Variants in PKNOX1 observed in about 807,000 individuals in gnomAD.
PKNOX1 encodes homeobox protein PKNOX1.
Under a neutral mutation model 51.9 loss-of-function variants are expected in PKNOX1, and 15 were observed. That is an observed-to-expected ratio of 0.29 (90% CI 0.19 to 0.45). The LOEUF (loss-of-function observed/expected upper bound fraction) is 0.45, where lower values mean the gene tolerates loss of function less well. Ranked by LOEUF, PKNOX1 falls within the 20% of genes least tolerant of loss-of-function variation. PKNOX1 has a pLI of 1.00. For missense variants in PKNOX1, 462 were observed against 547.5 expected (o/e 0.84, Z 1.56); for synonymous variants, 219 against 211.1 (o/e 1.04, Z -0.32).
Position 43,031,301 on chromosome 21 carries a change from C to T in PKNOX1, c.*1200C>T, listed in dbSNP as rs234735. On this transcript the variant is annotated 3_prime_UTR_variant, in exon 11 of 11. Coordinates refer to ENST00000291547, the MANE Select transcript of PKNOX1 (RefSeq NM_004571.5). ...ACATCCCTGGAGTCCCAGCAGCGAG[C>T]TGGTCTGGCGAGGGCACCTCGGCAG... 0.24 allele frequency: 36,896 copies of T among 152,598 alleles called. 4,847 individuals carry two copies. The highest frequency in any genetic ancestry group is 0.29 in the Non-Finnish European group (19,911 of 67,992). The allele number at this position is 152,598 out of a possible 1,614,324, so 9.5% of individuals were successfully genotyped here.
At chr21:43,027,902 C>T (rs548271858) in intron 9 of PKNOX1, among the ~76,000 whole-genome samples, 5 of 151,326 alleles carry the variant, frequency 3.3e-5, no homozygotes, top group African/African-American at 7.3e-5. Flanking sequence ...TGCGACAGGG[C>T]GAGACTCCAT....
intron 1 of PKNOX1, among the ~76,000 whole-genome samples, chr21:42,989,430 T>A (rs896904439): frequency 2.6e-5 from 4 of 152,186 alleles, no homozygotes; most frequent in Admixed American, 6.6e-5. Context: ...ATTTTTTATT[T>A]TTTTTGAGTC....
Position 43,007,473 on chromosome 21 carries a change from A to G in PKNOX1, c.52-18A>G, listed in dbSNP as rs945551904. ...TAGTTTGTGTTTGCTAATAAGAATT[A>G]TCTTCCTCCTTTTACAGATGCAAGT... On this transcript the variant is annotated intron_variant, in intron 2 of 10. Coordinates refer to ENST00000291547, the MANE Select transcript of PKNOX1 (RefSeq NM_004571.5). 3 of 1,612,678 alleles carry G rather than the reference A, an allele frequency of 1.9e-6. No individual in the cohort carries two copies. The African/African-American group carries it at 4.0e-5, about 22-fold the overall frequency.
At chr21:43,016,320 G>A (rs146106342) in intron 5 of PKNOX1, among the ~76,000 whole-genome samples, 7 of 152,304 alleles carry the variant, frequency 4.6e-5, no homozygotes, top group South Asian at 4.1e-4. Flanking sequence ...CATGGGGCTC[G>A]CTGTAGGCCG....
At position 43,030,298 on chromosome 21, in the gene PKNOX1, T is replaced by C; in HGVS notation, c.*197T>C. On this transcript the variant is annotated 3_prime_UTR_variant, in exon 11 of 11. Transcript: ENST00000291547. ...GTGTGTGTGTGTGTGTGTGTGCGTGTGTGCGTGTGTGTGGATTTTTAAAGA... is the reference window on the plus strand; with the variant it reads ...GTGTGTGTGTGTGTGTGTGTGCGTGCGTGCGTGTGTGTGGATTTTTAAAGA... 4.9e-6 allele frequency: 2 copies of C among 407,412 alleles called. No homozygotes were observed. The highest frequency in any genetic ancestry group is 4.4e-6 in the Non-Finnish European group (1 of 228,396). 25.2% of individuals were successfully genotyped at this position (407,412 alleles called of 1,614,324 possible).
At position 43,004,414 on chromosome 21, in the gene PKNOX1, C is replaced by T. The variant is rs760734101; in HGVS notation, c.33C>T (p.Ser11=). The change falls in exon 2 of 11, where the codon AGC becomes AGT. Residue 11 remains serine, a synonymous_variant. Transcript: ENST00000291547. MMATQTLSID[S]YQDGQQMQVV... Reference sequence around the variant, plus strand: ...CTACACAGACATTAAGTATAGACAGCTATCAAGATGGGCAACAGGTGAGCT... The same window carrying T: ...CTACACAGACATTAAGTATAGACAGTTATCAAGATGGGCAACAGGTGAGCT... The T allele has an allele frequency of 6.8e-6, 11 of 1,608,166 alleles. No homozygotes were observed. Among genetic ancestry groups the T allele is most frequent in the Non-Finnish European group, 9.4e-6 (11 of 1,174,710 alleles).
intron 3 of PKNOX1, 106 bp downstream of exon 3, chr21:43,007,724 C>A: frequency 7.9e-7 from 1 of 1,272,810 alleles, no homozygotes; most frequent in Non-Finnish European, 1.1e-6. Context: ...TTGTGAGGTG[C>A]CATTATGATG....
chr21:42,990,271 A>G (rs973876397), intron 1 of PKNOX1, among the ~76,000 whole-genome samples: 1 of 151,572 alleles, frequency 6.6e-6, no homozygotes, highest in African/African-American at 2.4e-5. Context: ...ATGAATAAAT[A>G]AATAAATAAA....
chr21:43,028,896 C>T (rs373340815), intron 10 of PKNOX1, 22 bp downstream of exon 10: 23 of 1,612,826 alleles, frequency 1.4e-5, no homozygotes, highest in Non-Finnish European at 1.9e-5. Flanking sequence ...CGGCCAAGGC[C>T]AGACATGGTG....
intron 1 of PKNOX1, among the ~76,000 whole-genome samples, chr21:43,002,364 AC>A (rs1978796755): frequency 6.6e-6 from 1 of 151,702 alleles, no homozygotes; most frequent in South Asian, 2.1e-4. Flanking sequence ...CCACTCTTGT[AC>A]CCATTGACCG....
intron 1 of PKNOX1, 32 bp from the exon 2 acceptor site, chr21:43,004,291 CTAT>C: frequency 1.1e-6 from 1 of 886,868 alleles, no homozygotes; most frequent in Non-Finnish European, 1.9e-6. Context: ...TGCTCTACAA[CTAT>C]TAACTGATGC....
At chr21:43,022,886 A>G (rs1979824498) in intron 8 of PKNOX1, among the ~76,000 whole-genome samples, 1 of 152,180 alleles carries the variant, frequency 6.6e-6, no homozygotes, top group African/African-American at 2.4e-5. Context: ...GTATATTTAC[A>G]CACATTGCGA....
intron 5 of PKNOX1, 105 bp downstream of exon 5, chr21:43,013,343 A>G: frequency 1.1e-6 from 1 of 877,184 alleles, no homozygotes. Flanking sequence ...CATCTTTATG[A>G]CTTTCTACAA....
rs1979777519 is a variant in PKNOX1 at position 43,021,940 on chromosome 21, C to T, written c.849+509C>T. Among the ~76,000 whole-genome samples the T allele has an allele frequency of 2.0e-5, 3 of 152,336 alleles. No individual in the cohort carries two copies. Among genetic ancestry groups the T allele is most frequent in the Admixed American group, 6.5e-5 (1 of 15,298 alleles). Reference sequence around the variant, plus strand: ...GGCTTCCTCCCCCGGGCCATGGCCGCGTCTTCTCCCTGTCCCCAGGACATC... The same window carrying T: ...GGCTTCCTCCCCCGGGCCATGGCCGTGTCTTCTCCCTGTCCCCAGGACATC... On this transcript the variant is annotated intron_variant, in intron 8 of 10. Transcript: ENST00000291547. This position sits in a 1 kb window ranked among gnomAD's most constrained non-coding sequence, Gnocchi z 4.6.
At chr21:43,027,633 T>C (rs1369380780) in intron 9 of PKNOX1, among the ~76,000 whole-genome samples, 1 of 152,168 alleles carries the variant, frequency 6.6e-6, no homozygotes, top group Non-Finnish European at 1.5e-5. Flanking sequence ...AACCTGTGAC[T>C]GTTGGGCCAG....
chr21:42,987,772 C>G (rs1002206545), intron 1 of PKNOX1, among the ~76,000 whole-genome samples: 1 of 151,722 alleles, frequency 6.6e-6, no homozygotes, highest in African/African-American at 2.4e-5. Flanking sequence ...GTGCCCACCA[C>G]CACACCTGGC....
rs566577407 is a variant in PKNOX1 at position 43,027,905 on chromosome 21, G to C, written c.927-797G>C. On this transcript the variant is annotated intron_variant, in intron 9 of 10. Coordinates refer to ENST00000291547, the MANE Select transcript of PKNOX1 (RefSeq NM_004571.5). ...CACTCCAGCCTGTGCGACAGGGCGA[G>C]ACTCCATCTCAAAAATACAGAAACA... Among the ~76,000 whole-genome samples the C allele has an allele frequency of 4.1e-3, 624 of 150,870 alleles. 3 individuals are homozygous for C. Among genetic ancestry groups the C allele is most frequent in the African/African-American group, 0.014 (592 of 41,004 alleles).
In PKNOX1 at chr21:42,985,872, G is replaced by A. The variant is rs367807944; in HGVS notation, c.-57+11208G>A. Reference sequence around the variant, plus strand: ...AAAAATTAGCTGGTCATGGTGGCGGGTGCCTATAATTCCAGCTACTCAGGA... The same window carrying A: ...AAAAATTAGCTGGTCATGGTGGCGGATGCCTATAATTCCAGCTACTCAGGA... On this transcript the variant is annotated intron_variant, in intron 1 of 10. Transcript: ENST00000291547. 1.2e-3 allele frequency among the ~76,000 whole-genome samples: 187 copies of A among 151,984 alleles called. 1 individual carries two copies. The highest frequency in any genetic ancestry group is 4.2e-3 in the African/African-American group (176 of 41,492).
chr21:42,977,608 C>T (rs938253474), intron 1 of PKNOX1, among the ~76,000 whole-genome samples: 1 of 127,746 alleles, frequency 7.8e-6, no homozygotes, highest in Non-Finnish European at 1.5e-5. Flanking sequence ...AGAGCAATGG[C>T]GTGATCTCGG....
Sources: allele counts gnomAD v4.1 joint callset (sites outside exome capture counted in the v4.1 genomes callset), GRCh38; gene constraint gnomAD v4.1.1; non-coding constraint Gnocchi (gnomAD v3.1); transcripts MANE v1.5; gene names NCBI Gene and HGNC (gene_info 2026-07-23, HGNC 2026-07-21).